APPBP2: variants seen among roughly 807,000 people sequenced by gnomAD.
APPBP2 encodes amyloid protein-binding protein 2.
In APPBP2, 15 loss-of-function variants were observed where a neutral mutation model predicts 76.0. That is an observed-to-expected ratio of 0.20 (90% CI 0.13 to 0.30). The LOEUF (loss-of-function observed/expected upper bound fraction) is 0.30. Ranked by LOEUF, APPBP2 falls within the 10% of genes least tolerant of loss-of-function variation. The pLI, the probability that APPBP2 is intolerant of heterozygous loss-of-function variation, is 1.00. For missense variants in APPBP2, 401 were observed against 687.2 expected (o/e 0.58, Z 4.66); for synonymous variants, 222 against 242.2 (o/e 0.92, Z 0.77).
chr17:60,457,946 GTCAGTC>G (rs1386022401), intron 9 of APPBP2, among the ~76,000 whole-genome samples: 1 of 152,094 alleles, frequency 6.6e-6, no homozygotes, highest in Non-Finnish European at 1.5e-5. Flanking sequence ...CCCATTAGCA[GTCAGTC>G]TCCATTTCCC....
intron 1 of APPBP2, among the ~76,000 whole-genome samples, chr17:60,510,453 G>A (rs1270129823): frequency 6.6e-6 from 1 of 152,054 alleles, no homozygotes; most frequent in Non-Finnish European, 1.5e-5. Flanking sequence ...TGGGCGTGGT[G>A]GGTCACACCT....
intron 1 of APPBP2, among the ~76,000 whole-genome samples, chr17:60,510,965 A>G (rs1386827735): frequency 6.6e-6 from 1 of 151,778 alleles, no homozygotes; most frequent in East Asian, 1.9e-4. Flanking sequence ...TTCCCCCCCA[A>G]TGGTTAAAAG....
At chr17:60,494,698 A>C (rs1567934175) in intron 2 of APPBP2, 81 bp from the exon 3 acceptor site, 27 of 1,208,354 alleles carry the variant, frequency 2.2e-5, no homozygotes, top group Non-Finnish European at 2.2e-5. Flanking sequence ...TCTCTTTTAA[A>C]TAATAGCACC....
intron 3 of APPBP2, among the ~76,000 whole-genome samples, chr17:60,485,477 A>G (rs907309447): frequency 1.3e-5 from 2 of 152,100 alleles, no homozygotes; most frequent in Non-Finnish European, 2.9e-5. Context: ...TAGATTTTCT[A>G]GTTTATTTGC....
chr17:60,504,501 AAAGG>A (rs1481946601), intron 1 of APPBP2, among the ~76,000 whole-genome samples: 2 of 152,218 alleles, frequency 1.3e-5, no homozygotes, highest in African/African-American at 4.8e-5. Flanking sequence ...AATGTAACAA[AAAGG>A]AATTCCAGAT....
At chr17:60,515,600 G>A (rs1428370447) in intron 1 of APPBP2, among the ~76,000 whole-genome samples, 1 of 152,178 alleles carries the variant, frequency 6.6e-6, no homozygotes, top group Non-Finnish European at 1.5e-5. Flanking sequence ...TCCAAGAATA[G>A]CGTCTCCTAA....
At chr17:60,454,193 T>C (rs1432992391) in intron 11 of APPBP2, 109 bp downstream of exon 11, 4 of 819,928 alleles carry the variant, frequency 4.9e-6, no homozygotes, top group Non-Finnish European at 7.1e-6. Context: ...ATCTTCTCAA[T>C]TCCTTTGTGC....
chr17:60,461,943 T>G (rs372291658), intron 7 of APPBP2, 28 bp from the exon 8 acceptor site: 164 of 1,607,710 alleles, frequency 1.0e-4, no homozygotes, highest in Non-Finnish European at 1.4e-4. Flanking sequence ...ATTATTAGGA[T>G]ATAAAGTATA....
chr17:60,448,951 T>C (rs921874249), intron 12 of APPBP2, among the ~76,000 whole-genome samples: 1 of 152,066 alleles, frequency 6.6e-6, no homozygotes, highest in Non-Finnish European at 1.5e-5. Context: ...ATTAACAAAA[T>C]AAACAAAGAT....
chr17:60,492,325 C>A (rs757113461), intron 3 of APPBP2, among the ~76,000 whole-genome samples: 2 of 152,242 alleles, frequency 1.3e-5, no homozygotes, highest in Non-Finnish European at 2.9e-5. Flanking sequence ...AGCCCTTACA[C>A]AGAGTCCCCA....
intron 1 of APPBP2, 34 bp downstream of exon 1, chr17:60,525,760 G>A: frequency 6.2e-7 from 1 of 1,612,728 alleles, no homozygotes; most frequent in South Asian, 1.1e-5. Context: ...CGGGGTTGCT[G>A]GAGGAGAGCA....
At chr17:60,503,390 A>G (rs2143460890) in intron 1 of APPBP2, among the ~76,000 whole-genome samples, 1 of 144,134 alleles carries the variant, frequency 6.9e-6, no homozygotes, top group Middle Eastern at 3.5e-3. Context: ...AATGCAAAGT[A>G]ATTTTTTTTT....
At chr17:60,485,035 C>CT (rs1385033963) in intron 3 of APPBP2, among the ~76,000 whole-genome samples, 1 of 152,042 alleles carries the variant, frequency 6.6e-6, no homozygotes, top group Non-Finnish European at 1.5e-5. Flanking sequence ...TTGAACCAGC[C>CT]TTGCATCCCA....
At chr17:60,471,310 T>C (rs769375543) in intron 4 of APPBP2, among the ~76,000 whole-genome samples, 44 of 152,186 alleles carry the variant, frequency 2.9e-4, no homozygotes, top group South Asian at 8.3e-4. Flanking sequence ...GATTTTTATT[T>C]TTCTTGTCGA....
chr17:60,497,994 C>T (rs940357718), intron 2 of APPBP2, among the ~76,000 whole-genome samples: 3 of 151,872 alleles, frequency 2.0e-5, no homozygotes, highest in African/African-American at 7.3e-5. Context: ...CAAAAAATTA[C>T]CCAGGCGTGG....
intron 1 of APPBP2, among the ~76,000 whole-genome samples, chr17:60,503,116 G>A (rs2090835849): frequency 7.0e-6 from 1 of 143,226 alleles, no homozygotes; most frequent in Non-Finnish European, 1.5e-5. Context: ...GGGTTCAAGC[G>A]ATTCTCCTGC....
intron 1 of APPBP2, among the ~76,000 whole-genome samples, chr17:60,511,445 C>T (rs1024661106): frequency 1.3e-5 from 2 of 151,790 alleles, no homozygotes; most frequent in African/African-American, 2.4e-5. Flanking sequence ...ATTAGCTGGG[C>T]GTGGTGTTGT....
At chr17:60,473,241 T>C (rs1452822033) in intron 4 of APPBP2, among the ~76,000 whole-genome samples, 2 of 152,204 alleles carry the variant, frequency 1.3e-5, no homozygotes, top group Non-Finnish European at 2.9e-5. Context: ...GGAAGTTCTA[T>C]CACACTTTTC....
chr17:60,472,171 A>AAAAAC (rs1206617756), intron 4 of APPBP2, among the ~76,000 whole-genome samples: 2 of 151,744 alleles, frequency 1.3e-5, no homozygotes, highest in South Asian at 2.1e-4. Context: ...AAACAAAAAC[A>AAAAAC]AAAACAAAAC....
Sources: allele counts gnomAD v4.1 joint callset (sites outside exome capture counted in the v4.1 genomes callset), GRCh38; gene constraint gnomAD v4.1.1; transcripts MANE v1.5; gene names NCBI Gene and HGNC (gene_info 2026-07-23, HGNC 2026-07-21).